Variants in OLA1 observed in about 807,000 individuals in gnomAD.
OLA1 encodes Obg like ATPase 1, also known as obg-like ATPase 1.
Under a neutral mutation model 48.4 loss-of-function variants are expected in OLA1, and 14 were observed. The observed-to-expected ratio is 0.29, with a 90% CI of 0.19 to 0.45. OLA1 has a LOEUF of 0.45. Ranked by LOEUF, OLA1 falls within the 20% of genes least tolerant of loss-of-function variation. OLA1 has a pLI of 1.00. For missense variants in OLA1, 325 were observed against 467.1 expected (o/e 0.70, Z 2.80); for synonymous variants, 127 against 150.4 (o/e 0.84, Z 1.14).
intron 7 of OLA1, among the ~76,000 whole-genome samples, chr2:174,095,165 C>T (rs951117589): frequency 1.3e-5 from 2 of 151,906 alleles, no homozygotes; most frequent in Admixed American, 1.3e-4. Flanking sequence ...GGATATTTAC[C>T]CAGAAGTGGG....
At chr2:174,149,399 C>T (rs1177368963) in intron 4 of OLA1, among the ~76,000 whole-genome samples, 1 of 152,072 alleles carries the variant, frequency 6.6e-6, no homozygotes, top group Non-Finnish European at 1.5e-5. Context: ...TTCTCTTACC[C>T]CTCTATTACA....
intron 7 of OLA1, among the ~76,000 whole-genome samples, chr2:174,104,802 G>A (rs1685478380): frequency 6.6e-6 from 1 of 151,866 alleles, no homozygotes; most frequent in Non-Finnish European, 1.5e-5. Context: ...TTCTCCTGAT[G>A]AAAAATGATA....
chr2:174,113,373 T>C lies in OLA1; in HGVS notation c.728+9807A>G, dbSNP rs16862388. 2.0e-5 allele frequency among the ~76,000 whole-genome samples: 3 copies of C among 152,160 alleles called. 1 individual carries two copies. Among genetic ancestry groups the C allele is most frequent in the Non-Finnish European group, 4.4e-5 (3 of 68,032 alleles). ...TTGGGGGGTTTATTCTGTACCACTA[T>C]TTTAGACTTGGCAATTTCATATAAT... is the stretch of plus-strand genomic sequence containing the variant. On this transcript the variant is annotated intron_variant, in intron 7 of 10. Coordinates refer to ENST00000284719, the MANE Select transcript of OLA1 (RefSeq NM_013341.5).
chr2:174,073,730 C>T lies in OLA1; in HGVS notation c.*1696G>A, dbSNP rs976657161. The T allele has an allele frequency of 6.6e-6, 1 of 152,066 alleles. No individual in the cohort carries two copies. Among genetic ancestry groups the T allele is most frequent in the Non-Finnish European group, 1.5e-5 (1 of 68,000 alleles). The allele number at this position is 152,066 out of a possible 1,614,324, so 9.4% of individuals were successfully genotyped here. A position where few individuals can be genotyped will look rare whatever the true frequency, so the allele number is the denominator to read the frequency against. On this transcript the variant is annotated 3_prime_UTR_variant, in exon 11 of 11. Coordinates refer to ENST00000284719, the MANE Select transcript of OLA1 (RefSeq NM_013341.5). ...CCATGCAATTTACTTTGGAGAAGAC[C>T]CAAAAGCAAGATATTTGATTCTTTC... is the stretch of plus-strand genomic sequence containing the variant.
intron 2 of OLA1, among the ~76,000 whole-genome samples, chr2:174,231,411 T>C: frequency 6.6e-6 from 1 of 152,230 alleles, no homozygotes; most frequent in East Asian, 1.9e-4. Flanking sequence ...TTTCGTATAC[T>C]GTAGTTTAAA....
At chr2:174,112,100 T>G (rs1232544048) in intron 7 of OLA1, among the ~76,000 whole-genome samples, 2 of 152,200 alleles carry the variant, frequency 1.3e-5, no homozygotes, top group Non-Finnish European at 2.9e-5. Flanking sequence ...CAACAAAACC[T>G]TACCTAAATG....
intron 10 of OLA1, among the ~76,000 whole-genome samples, chr2:174,077,319 C>CGT (rs961438740): frequency 6.8e-6 from 1 of 147,898 alleles, no homozygotes; most frequent in Non-Finnish European, 1.5e-5. Context: ...GTTAGAAATA[C>CGT]ATATACATAC....
intron 2 of OLA1, among the ~76,000 whole-genome samples, chr2:174,238,306 G>T (rs1306153720): frequency 6.6e-6 from 1 of 151,944 alleles, no homozygotes; most frequent in South Asian, 2.1e-4. Context: ...GACCAGCCTG[G>T]GTCAACATGG....
At chr2:174,187,568 T>C (rs1687682763) in intron 4 of OLA1, among the ~76,000 whole-genome samples, 1 of 152,198 alleles carries the variant, frequency 6.6e-6, no homozygotes, top group Non-Finnish European at 1.5e-5. Context: ...GGAAGCTGGA[T>C]TGGATGACAC....
intron 4 of OLA1, among the ~76,000 whole-genome samples, chr2:174,181,140 T>C (rs1687524366): frequency 6.6e-6 from 1 of 152,124 alleles, no homozygotes. Context: ...AAAAAAAACA[T>C]GATTTGCTAA....
At chr2:174,125,628 A>G (rs988719382) in intron 5 of OLA1, among the ~76,000 whole-genome samples, 1 of 152,220 alleles carries the variant, frequency 6.6e-6, no homozygotes, top group Non-Finnish European at 1.5e-5. Flanking sequence ...CAGAGCCTCA[A>G]TAAGTGCTGA....
chr2:174,088,758 C>T lies in OLA1; in HGVS notation c.729-6694G>A, dbSNP rs563803946. Among the ~76,000 whole-genome samples the T allele has an allele frequency of 2.0e-5, 3 of 152,260 alleles. No individual in the cohort carries two copies. The South Asian group carries it at 6.2e-4, about 32-fold the overall frequency. Reference sequence around the variant, plus strand: ...GGGCTTGGTGGTTCATGCCTATAATCCCAGCACTTTGGGAGGCTGAGGCGG... The same window carrying T: ...GGGCTTGGTGGTTCATGCCTATAATTCCAGCACTTTGGGAGGCTGAGGCGG... On this transcript the variant is annotated intron_variant, in intron 7 of 10. Coordinates refer to ENST00000284719, the MANE Select transcript of OLA1 (RefSeq NM_013341.5).
At chr2:174,175,222 A>C (rs1430940492) in intron 4 of OLA1, among the ~76,000 whole-genome samples, 4 of 151,866 alleles carry the variant, frequency 2.6e-5, no homozygotes, top group Non-Finnish European at 4.4e-5. Context: ...GACACAAAAA[A>C]CACAAATATC....
chr2:174,116,109 G>A (rs973530276), intron 7 of OLA1, among the ~76,000 whole-genome samples: 5 of 152,048 alleles, frequency 3.3e-5, no homozygotes, highest in African/African-American at 1.2e-4. Context: ...TTTTTACCAA[G>A]TTTTGCTTTT....
At chr2:174,088,403 G>C (rs2105344240) in intron 7 of OLA1, among the ~76,000 whole-genome samples, 1 of 152,268 alleles carries the variant, frequency 6.6e-6, no homozygotes, top group Middle Eastern at 3.4e-3. Flanking sequence ...TCAGTTTATA[G>C]TATTAACCTG....
chr2:174,169,081 G>T (rs1687238184), intron 4 of OLA1, among the ~76,000 whole-genome samples: 1 of 152,072 alleles, frequency 6.6e-6, no homozygotes, highest in African/African-American at 2.4e-5. Flanking sequence ...AAGTAGCTGG[G>T]ATTACAGGCA....
intron 7 of OLA1, among the ~76,000 whole-genome samples, chr2:174,115,501 T>C (rs1685759861): frequency 6.6e-6 from 1 of 152,204 alleles, no homozygotes; most frequent in African/African-American, 2.4e-5. Flanking sequence ...CCAAATAAAA[T>C]TTTAGAACAC....
chr2:174,140,557 G>A (rs1686423184), intron 5 of OLA1, among the ~76,000 whole-genome samples: 1 of 151,678 alleles, frequency 6.6e-6, no homozygotes, highest in Non-Finnish European at 1.5e-5. Flanking sequence ...TAGTCGAGAT[G>A]GGGTTTCACA....
chr2:174,177,771 A>G (rs1226955234), intron 4 of OLA1, among the ~76,000 whole-genome samples: 1 of 151,870 alleles, frequency 6.6e-6, no homozygotes, highest in Non-Finnish European at 1.5e-5. Context: ...AGCTTAATAA[A>G]ATCAAGTACA....
Sources: allele counts gnomAD v4.1 joint callset (sites outside exome capture counted in the v4.1 genomes callset), GRCh38; gene constraint gnomAD v4.1.1; transcripts MANE v1.5; gene names NCBI Gene and HGNC (gene_info 2026-07-23, HGNC 2026-07-21).